NKAIN2: variants seen among roughly 807,000 people sequenced by gnomAD.
NKAIN2 encodes the protein sodium/potassium transporting ATPase interacting 2, also known as sodium/potassium-transporting ATPase subunit beta-1-interacting protein 2.
Under a neutral mutation model 32.6 loss-of-function variants are expected in NKAIN2, and 14 were observed. That is an observed-to-expected ratio of 0.43 (90% CI 0.28 to 0.67). NKAIN2 has a LOEUF of 0.67. Among genes scored for constraint, NKAIN2 ranks in the 30% least tolerant of loss-of-function variants. NKAIN2 has a pLI of 0.17. For synonymous variants in NKAIN2, 80 were observed against 87.2 expected (o/e 0.92, Z 0.46); for missense variants, 198 against 258.3 (o/e 0.77, Z 1.60).
intron 1 of NKAIN2, among the ~76,000 whole-genome samples, chr6:124,040,092 G>T (rs1460861750): frequency 6.6e-6 from 1 of 152,008 alleles, no homozygotes; most frequent in Non-Finnish European, 1.5e-5. Context: ...GACCTAGCTA[G>T]AGTTGACCTA....
chr6:124,559,930 A>T (rs564045924), intron 3 of NKAIN2, among the ~76,000 whole-genome samples: 1 of 135,060 alleles, frequency 7.4e-6, no homozygotes, highest in African/African-American at 2.8e-5. Context: ...TGACTGATGC[A>T]TCTGCCCACA....
chr6:124,667,107 A>G (rs561979709), intron 4 of NKAIN2, among the ~76,000 whole-genome samples: 182 of 152,272 alleles, frequency 1.2e-3, no homozygotes, highest in African/African-American at 4.3e-3. Flanking sequence ...GTAGTTCACC[A>G]CTATCCTACA....
chr6:124,511,804 T>G (rs2114774971), intron 3 of NKAIN2, among the ~76,000 whole-genome samples: 1 of 152,258 alleles, frequency 6.6e-6, no homozygotes, highest in Admixed American at 6.5e-5. Flanking sequence ...AATTTAAATC[T>G]TGCCCTCTTT....
intron 5 of NKAIN2, among the ~76,000 whole-genome samples, chr6:124,807,248 T>A (rs1780615840): frequency 6.6e-6 from 1 of 152,112 alleles, no homozygotes; most frequent in South Asian, 2.1e-4. Flanking sequence ...AGTAAAGCAC[T>A]CCTCAGCACA....
chr6:123,872,547 G>A (rs1582689773), intron 1 of NKAIN2, among the ~76,000 whole-genome samples: 1 of 152,208 alleles, frequency 6.6e-6, no homozygotes, highest in South Asian at 2.1e-4. Context: ...TGTTCATGAT[G>A]ATGGTTGAGG....
chr6:124,206,496 A>T (rs760819312), intron 1 of NKAIN2, among the ~76,000 whole-genome samples: 32 of 151,946 alleles, frequency 2.1e-4, no homozygotes, highest in African/African-American at 7.5e-4. Flanking sequence ...TACCTACAGA[A>T]TTGTTGTGTT....
intron 3 of NKAIN2, among the ~76,000 whole-genome samples, chr6:124,482,647 C>G (rs1022424367): frequency 2.0e-5 from 3 of 152,130 alleles, no homozygotes; most frequent in Admixed American, 6.5e-5. Flanking sequence ...TAAATACTTT[C>G]AAGAAAATTA....
At chr6:123,962,354 G>A (rs1185708099) in intron 1 of NKAIN2, among the ~76,000 whole-genome samples, 3 of 152,108 alleles carry the variant, frequency 2.0e-5, no homozygotes, top group Non-Finnish European at 1.5e-5. Context: ...GTTTGGAAGG[G>A]CACATTGGAC....
At chr6:124,467,849 AG>A (rs1337746081) in intron 3 of NKAIN2, among the ~76,000 whole-genome samples, 1 of 152,128 alleles carries the variant, frequency 6.6e-6, no homozygotes, top group Non-Finnish European at 1.5e-5. Context: ...ATCAAAGCTC[AG>A]GCTGAGCCAA....
intron 3 of NKAIN2, among the ~76,000 whole-genome samples, chr6:124,375,921 C>A (rs1033130517): frequency 1.6e-4 from 25 of 152,190 alleles, no homozygotes; most frequent in Middle Eastern, 3.4e-3. Flanking sequence ...CTAGGTTAAG[C>A]CTTTGCCCTT....
rs369705669 is a variant in NKAIN2 at position 124,714,593 on chromosome 6, C to T, written c.474+56207C>T. 1.7e-3 allele frequency among the ~76,000 whole-genome samples: 261 copies of T among 152,318 alleles called. 1 individual carries two copies. The highest frequency in any genetic ancestry group is 0.017 in the Middle Eastern group (5 of 294). ...TTATTACGGGCTACACATTTAAAGC[C>T]TTTGCAGTCTTCCCTACAAACGAAA... On this transcript the variant is annotated intron_variant, in intron 4 of 6. Coordinates refer to ENST00000368417, the MANE Select transcript of NKAIN2 (RefSeq NM_001040214.3).
intron 1 of NKAIN2, among the ~76,000 whole-genome samples, chr6:123,827,321 C>T (rs1774189654): frequency 6.6e-6 from 1 of 152,128 alleles, no homozygotes; most frequent in East Asian, 1.9e-4. Flanking sequence ...GTCCTGATGT[C>T]TTGATATACA....
At chr6:124,196,778 A>G (rs936679936) in intron 1 of NKAIN2, among the ~76,000 whole-genome samples, 1 of 152,048 alleles carries the variant, frequency 6.6e-6, no homozygotes. Context: ...AAAACATAAT[A>G]TATTTGTATC....
intron 1 of NKAIN2, among the ~76,000 whole-genome samples, chr6:123,938,692 T>C (rs1019530455): frequency 1.3e-5 from 2 of 149,304 alleles, no homozygotes; most frequent in Non-Finnish European, 3.0e-5. Context: ...TATTGACTAT[T>C]GCAATCCTAC....
chr6:123,858,344 G>A (rs1447714411), intron 1 of NKAIN2, among the ~76,000 whole-genome samples: 1 of 152,044 alleles, frequency 6.6e-6, no homozygotes, highest in Non-Finnish European at 1.5e-5. Context: ...TCAAACTCCC[G>A]ACCTCAGGTG....
intron 1 of NKAIN2, among the ~76,000 whole-genome samples, chr6:124,069,687 T>A (rs79233690): frequency 6.6e-6 from 1 of 152,112 alleles, no homozygotes; most frequent in African/African-American, 2.4e-5. Context: ...CAAGTGTAGA[T>A]GAATGAATGA....
intron 1 of NKAIN2, among the ~76,000 whole-genome samples, chr6:124,009,421 T>A (rs1319311395): frequency 1.3e-5 from 2 of 152,198 alleles, no homozygotes; most frequent in African/African-American, 4.8e-5. Flanking sequence ...GGTAGTCTGC[T>A]TTATTGCTTG....
intron 4 of NKAIN2, among the ~76,000 whole-genome samples, chr6:124,695,908 AGCAT>A (rs925672574): frequency 1.3e-5 from 2 of 152,246 alleles, no homozygotes; most frequent in Non-Finnish European, 2.9e-5. Flanking sequence ...AATTTTATGT[AGCAT>A]GATGGCATTC....
At chr6:124,147,746 C>T (rs1273868599) in intron 1 of NKAIN2, among the ~76,000 whole-genome samples, 1 of 152,118 alleles carries the variant, frequency 6.6e-6, no homozygotes, top group African/African-American at 2.4e-5. Flanking sequence ...GAAGCTTGTT[C>T]GTTTTGCCTC....
Sources: allele counts gnomAD v4.1 joint callset (sites outside exome capture counted in the v4.1 genomes callset), GRCh38; gene constraint gnomAD v4.1.1; transcripts MANE v1.5; gene names NCBI Gene and HGNC (gene_info 2026-07-23, HGNC 2026-07-21).